FTO: variants seen among roughly 807,000 people sequenced by gnomAD.
FTO encodes alpha-ketoglutarate-dependent dioxygenase FTO.
In FTO, 47 loss-of-function variants were observed where a neutral mutation model predicts 63.9. The observed-to-expected ratio is 0.74, with a 90% CI of 0.58 to 0.94. The LOEUF is 0.94. Ranked by LOEUF, FTO falls within the 40% of genes least tolerant of loss-of-function variation. The pLI is 0.00. For synonymous variants in FTO, 207 were observed against 224.4 expected (o/e 0.92, Z 0.69); for missense variants, 562 against 618.1 (o/e 0.91, Z 0.96).
At chr16:53,827,181 C>T (rs2079029684) in intron 3 of FTO, among the ~76,000 whole-genome samples, 1 of 127,846 alleles carries the variant, frequency 7.8e-6, no homozygotes, top group South Asian at 2.5e-4. Context: ...TGTATAATCC[C>T]CTTGAAACAG....
chr16:54,030,327 T>C (rs916632549), intron 8 of FTO, among the ~76,000 whole-genome samples: 1 of 152,202 alleles, frequency 6.6e-6, no homozygotes, highest in Non-Finnish European at 1.5e-5. Context: ...CTCTTACCAA[T>C]TATGAGAAAG....
At chr16:54,008,842 A>C (rs1461751552) in intron 8 of FTO, among the ~76,000 whole-genome samples, 1 of 54,212 alleles carries the variant, frequency 1.8e-5, no homozygotes, top group Non-Finnish European at 3.8e-5. Context: ...TAATAATAAT[A>C]ATAATAATAA....
chr16:54,065,109 A>AT (rs2085690695), intron 8 of FTO, among the ~76,000 whole-genome samples: 1 of 108,052 alleles, frequency 9.3e-6, no homozygotes, highest in African/African-American at 4.2e-5. Context: ...ATTTTATTTT[A>AT]TTTTATTTTA....
At chr16:53,883,697 G>A (rs1406334762) in intron 6 of FTO, among the ~76,000 whole-genome samples, 1 of 149,846 alleles carries the variant, frequency 6.7e-6, no homozygotes, top group Non-Finnish European at 1.5e-5. Context: ...GATATTATGT[G>A]TTAGGGAGGT....
chr16:53,764,487 A>AAAAAAAAG (rs1555630058), intron 1 of FTO, among the ~76,000 whole-genome samples: 1 of 151,462 alleles, frequency 6.6e-6, no homozygotes, highest in Non-Finnish European at 1.5e-5. Flanking sequence ...AAAAAAAAAA[A>AAAAAAAAG]AAAAGAAAAG....
At chr16:53,943,774 A>G (rs1054837136) in intron 8 of FTO, among the ~76,000 whole-genome samples, 14 of 152,174 alleles carry the variant, frequency 9.2e-5, no homozygotes, top group African/African-American at 3.4e-4. Flanking sequence ...TAAAGTAATC[A>G]CTTGTTATAA....
At chr16:53,719,189 C>G (rs1318226754) in intron 1 of FTO, among the ~76,000 whole-genome samples, 1 of 152,038 alleles carries the variant, frequency 6.6e-6, no homozygotes, top group African/African-American at 2.4e-5. Flanking sequence ...ATTTACAAAG[C>G]ATTAGGATTA....
chr16:53,911,984 A>G (rs2081721183), intron 7 of FTO, among the ~76,000 whole-genome samples: 1 of 152,252 alleles, frequency 6.6e-6, no homozygotes, highest in African/African-American at 2.4e-5. Context: ...GTGGAGCAAA[A>G]TGAAAAATCA....
chr16:53,954,818 C>T (rs1011090908), intron 8 of FTO, among the ~76,000 whole-genome samples: 3 of 151,720 alleles, frequency 2.0e-5, no homozygotes, highest in African/African-American at 4.8e-5. Flanking sequence ...AGGAGATGGA[C>T]GCTAATGTTT....
intron 1 of FTO, among the ~76,000 whole-genome samples, chr16:53,722,327 G>A (rs2076060159): frequency 6.6e-6 from 1 of 152,112 alleles, no homozygotes; most frequent in South Asian, 2.1e-4. Flanking sequence ...GATCCCTCTG[G>A]CTGACAACAC....
intron 1 of FTO, among the ~76,000 whole-genome samples, chr16:53,802,514 T>C (rs2078254542): frequency 6.6e-6 from 1 of 152,202 alleles, no homozygotes; most frequent in South Asian, 2.1e-4. Flanking sequence ...AGTAATTCGA[T>C]TATGTTGCGT....
chr16:53,923,208 C>G (rs560754022), intron 7 of FTO: 1 of 152,160 alleles, frequency 6.6e-6, no homozygotes, highest in Non-Finnish European at 1.5e-5. Flanking sequence ...TTGTTTCAGC[C>G]GTAGTAGTTA....
rs867684156 is a variant in FTO, at chr16:54,003,716, G to A, written c.1364+69607G>A. Among the ~76,000 whole-genome samples the A allele has an allele frequency of 7.2e-5, 11 of 152,112 alleles. No individual in the cohort carries two copies. In the South Asian group the frequency reaches 2.1e-3, roughly 29 times the overall value. ...AGGAAATATCATAGAAATAGTTTAGGTTTTAAAAAGAAGGGCTGTATGTCA... is the reference window on the plus strand; with the variant it reads ...AGGAAATATCATAGAAATAGTTTAGATTTTAAAAAGAAGGGCTGTATGTCA... On this transcript the variant is annotated intron_variant, in intron 8 of 8. Coordinates refer to ENST00000471389, the MANE Select transcript of FTO (RefSeq NM_001080432.3).
intron 4 of FTO, among the ~76,000 whole-genome samples, chr16:53,871,796 G>A (rs752628876): frequency 3.8e-4 from 57 of 151,666 alleles, no homozygotes; most frequent in Admixed American, 9.9e-4. Context: ...GCGCAATCTC[G>A]GCTCACTGCA....
intron 1 of FTO, among the ~76,000 whole-genome samples, chr16:53,794,184 A>G (rs2078000091): frequency 6.6e-6 from 1 of 152,234 alleles, no homozygotes. Flanking sequence ...AATAGTGCAT[A>G]CGTTTTGACC....
At chr16:54,055,830 T>C (rs2085419974) in intron 8 of FTO, among the ~76,000 whole-genome samples, 1 of 152,254 alleles carries the variant, frequency 6.6e-6, no homozygotes, top group East Asian at 1.9e-4. Context: ...TATCTACTGA[T>C]TAGCAGGATA....
rs117829204 is a variant in FTO, at chr16:53,927,026, A to G, written c.1240-6959A>G. Among the ~76,000 whole-genome samples the G allele has an allele frequency of 9.4e-3, 1,439 of 152,344 alleles. 14 individuals are homozygous for G. Among genetic ancestry groups the G allele is most frequent in the Middle Eastern group, 0.017 (5 of 294 alleles). ...GCTTCATGACGAAAGCCTAAAAACC[A>G]CTATTATAGGTGATGCTGAATTATT... On this transcript the variant is annotated intron_variant, in intron 7 of 8. Coordinates refer to ENST00000471389, the MANE Select transcript of FTO (RefSeq NM_001080432.3).
At chr16:53,881,459 G>C (rs1048802654) in intron 6 of FTO, among the ~76,000 whole-genome samples, 3 of 152,176 alleles carry the variant, frequency 2.0e-5, no homozygotes, top group African/African-American at 7.2e-5. Context: ...TCCTTGCAAT[G>C]AGAGTCTGTA....
chr16:53,849,452 A>G (rs2079724039), intron 4 of FTO, among the ~76,000 whole-genome samples: 1 of 152,208 alleles, frequency 6.6e-6, no homozygotes, highest in African/African-American at 2.4e-5. Flanking sequence ...CCTTCACAAA[A>G]TACCATTCCA....
Sources: gnomAD v4.1 joint callset for allele counts (sites outside exome capture counted in the v4.1 genomes callset) on GRCh38, gnomAD v4.1.1 for gene constraint, MANE v1.5 for transcripts, NCBI Gene and HGNC (gene_info 2026-07-23, HGNC 2026-07-21) for gene names.